Variants in ST18 observed in about 807,000 individuals in gnomAD.
ST18 encodes the protein suppression of tumorigenicity 18 protein.
Under a neutral mutation model 110.0 loss-of-function variants are expected in ST18, and 50 were observed. The ratio of observed to expected loss-of-function variants is 0.45; its 90% CI spans 0.36 to 0.58. The LOEUF (loss-of-function observed/expected upper bound fraction) is 0.58, where lower values mean the gene tolerates loss of function less well. ST18 is among the 20% of genes least tolerant of loss of function. The pLI, the probability that ST18 is intolerant of heterozygous loss-of-function variation, is 0.00. For synonymous variants in ST18, 461 were observed against 452.4 expected, an observed-to-expected ratio of 1.02 and a Z score of -0.24; for missense variants, 1,306 against 1,280.1, an observed-to-expected ratio of 1.02 and a Z score of -0.31.
chr8:52,247,786 T>G (rs1014718829), intron 2 of ST18, among the ~76,000 whole-genome samples: 1 of 152,184 alleles, frequency 6.6e-6, no homozygotes. Flanking sequence ...TTCTATCACA[T>G]GAAAGGCATA....
intron 2 of ST18, among the ~76,000 whole-genome samples, chr8:52,331,981 T>C (rs1381672097): frequency 6.6e-6 from 1 of 152,138 alleles, no homozygotes; most frequent in African/African-American, 2.4e-5. Flanking sequence ...AATAATTCTG[T>C]GTGAAAAAGT....
chr8:52,241,706 T>C (rs1253187810), intron 2 of ST18, among the ~76,000 whole-genome samples: 1 of 152,280 alleles, frequency 6.6e-6, no homozygotes, highest in Non-Finnish European at 1.5e-5. Flanking sequence ...CACAATGTTC[T>C]AGCTCTGATA....
At chr8:52,160,673 T>G (rs796254662) in intron 14 of ST18, among the ~76,000 whole-genome samples, 31 of 152,354 alleles carry the variant, frequency 2.0e-4, no homozygotes, top group African/African-American at 7.2e-4. Flanking sequence ...TTCATTAGAA[T>G]GTTTAAGGAC....
intron 10 of ST18, among the ~76,000 whole-genome samples, chr8:52,169,959 C>CAA (rs373504161): frequency 6.0e-5 from 9 of 149,734 alleles, no homozygotes; most frequent in African/African-American, 2.2e-4. Context: ...TTTTTGAAAA[C>CAA]AAAAAAAAAG....
intron 10 of ST18, among the ~76,000 whole-genome samples, chr8:52,168,426 G>C (rs1480687842): frequency 6.6e-6 from 1 of 152,018 alleles, no homozygotes; most frequent in Non-Finnish European, 1.5e-5. Flanking sequence ...TGTATTGTGA[G>C]AGCAGACGTG....
intron 12 of ST18, 22 bp downstream of exon 12, chr8:52,165,113 A>T (rs751976725): frequency 6.2e-7 from 1 of 1,611,662 alleles, no homozygotes; most frequent in Non-Finnish European, 8.5e-7. Context: ...ATGCAAAATG[A>T]TTATCATCTA....
intron 8 of ST18, among the ~76,000 whole-genome samples, chr8:52,208,587 G>T (rs1008027883): frequency 6.6e-6 from 1 of 152,238 alleles, no homozygotes; most frequent in African/African-American, 2.4e-5. Context: ...AGCACTTTGG[G>T]AGGCCGAGGC....
At chr8:52,406,893 G>C (rs1404957557) in intron 2 of ST18, 1 of 152,206 alleles carries the variant, frequency 6.6e-6, no homozygotes, top group Non-Finnish European at 1.5e-5. Flanking sequence ...AAGTCATCTA[G>C]AAGGTAAATC....
At chr8:52,337,727 C>G (rs1050046711) in intron 2 of ST18, among the ~76,000 whole-genome samples, 2 of 152,320 alleles carry the variant, frequency 1.3e-5, no homozygotes, top group African/African-American at 4.8e-5. Flanking sequence ...TCAGGGATAC[C>G]AAAGCTTCTC....
chr8:52,111,035 A>G lies in ST18; in HGVS notation c.*2163T>C. The G allele has an allele frequency of 2.5e-6, 1 of 398,770 alleles. No homozygotes were observed. The allele number at this position is 398,770 out of a possible 1,614,324, so 24.7% of individuals were successfully genotyped here. On this transcript the variant is annotated 3_prime_UTR_variant, in exon 26 of 26. Transcript: ENST00000689386. ...ACAGTATTGATCATTAACATAGTTG[A>G]AAAGAAAACAAATTCAGTGCACATT...
chr8:52,270,068 T>A (rs975625700), intron 2 of ST18, among the ~76,000 whole-genome samples: 2 of 152,216 alleles, frequency 1.3e-5, no homozygotes, highest in Non-Finnish European at 2.9e-5. Context: ...CATGTAATAT[T>A]TTTCTAGAGA....
At chr8:52,243,555 C>T (rs2137769504) in intron 2 of ST18, among the ~76,000 whole-genome samples, 1 of 152,164 alleles carries the variant, frequency 6.6e-6, no homozygotes, top group Admixed American at 6.5e-5. Flanking sequence ...GGGTTCAAGG[C>T]TGGTGACATA....
At chr8:52,183,253 A>C (rs2070605068) in intron 8 of ST18, among the ~76,000 whole-genome samples, 1 of 152,214 alleles carries the variant, frequency 6.6e-6, no homozygotes. Flanking sequence ...GAGGATATAC[A>C]CAACAGTCAT....
intron 2 of ST18, among the ~76,000 whole-genome samples, chr8:52,377,961 C>T (rs1833045063): frequency 6.6e-6 from 1 of 152,088 alleles, no homozygotes; most frequent in Non-Finnish European, 1.5e-5. Context: ...ATGCATGGAA[C>T]TAGAGGGCAT....
chr8:52,243,531 T>C (rs2093609873), intron 2 of ST18, among the ~76,000 whole-genome samples: 1 of 152,124 alleles, frequency 6.6e-6, no homozygotes, highest in African/African-American at 2.4e-5. Context: ...AGCAGTCAGA[T>C]TTGGGCTCAA....
At chr8:52,333,591 C>T (rs1466658202) in intron 2 of ST18, among the ~76,000 whole-genome samples, 1 of 152,106 alleles carries the variant, frequency 6.6e-6, no homozygotes, top group African/African-American at 2.4e-5. Context: ...GGAAAGAAAA[C>T]TGGGGTGGGG....
At chr8:52,299,501 A>C (rs1403526833) in intron 2 of ST18, among the ~76,000 whole-genome samples, 2 of 152,204 alleles carry the variant, frequency 1.3e-5, no homozygotes, top group African/African-American at 4.8e-5. Context: ...TATTAAACCT[A>C]CTTATTTTCT....
intron 8 of ST18, among the ~76,000 whole-genome samples, chr8:52,199,952 C>T (rs1300976663): frequency 6.6e-6 from 1 of 152,134 alleles, no homozygotes; most frequent in Non-Finnish European, 1.5e-5. Context: ...CACTGTGCTC[C>T]CTTATGTAAA....
At chr8:52,274,111 A>C (rs1254914034) in intron 2 of ST18, among the ~76,000 whole-genome samples, 2 of 152,164 alleles carry the variant, frequency 1.3e-5, no homozygotes, top group African/African-American at 4.8e-5. Flanking sequence ...TTTTTAAAAG[A>C]AGCTAAAGAA....
Sources: allele counts gnomAD v4.1 joint callset (sites outside exome capture counted in the v4.1 genomes callset), GRCh38; gene constraint gnomAD v4.1.1; transcripts MANE v1.5; gene names NCBI Gene and HGNC (gene_info 2026-07-23, HGNC 2026-07-21).